ADAMTSL1: variants seen among roughly 807,000 people sequenced by gnomAD.
The protein encoded by ADAMTSL1 is ADAMTS like 1.
In ADAMTSL1, 126 loss-of-function variants were observed where a neutral mutation model predicts 201.8. The observed-to-expected ratio is 0.62, with a 90% CI of 0.54 to 0.72. ADAMTSL1 has a LOEUF of 0.72. Among genes scored for constraint, ADAMTSL1 ranks in the 30% least tolerant of loss-of-function variants. The pLI, the probability that ADAMTSL1 is intolerant of heterozygous loss-of-function variation, is 0.00. For missense variants in ADAMTSL1, 2,679 were observed against 2,277.8 expected (o/e 1.18, Z -3.59); for synonymous variants, 1,121 against 903.4 (o/e 1.24, Z -4.32).
At chr9:18,300,043 G>C (rs913935999) in intron 2 of ADAMTSL1, among the ~76,000 whole-genome samples, 4 of 152,178 alleles carry the variant, frequency 2.6e-5, no homozygotes, top group Non-Finnish European at 5.9e-5. Flanking sequence ...CATTGTGGAA[G>C]ACAGTGTGGC....
intron 1 of ADAMTSL1, among the ~76,000 whole-genome samples, chr9:18,098,019 G>A (rs1198644616): frequency 6.6e-6 from 1 of 151,770 alleles, no homozygotes; most frequent in Non-Finnish European, 1.5e-5. Flanking sequence ...ATGTAAATTG[G>A]AGATCAAGGC....
chr9:18,846,008 A>T (rs1489892599), intron 23 of ADAMTSL1, among the ~76,000 whole-genome samples: 2 of 152,360 alleles, frequency 1.3e-5, no homozygotes, highest in South Asian at 2.1e-4. Flanking sequence ...CCATTTACTT[A>T]TTCAAGAAGT....
chr9:18,898,081 C>T (rs900036725), intron 26 of ADAMTSL1, among the ~76,000 whole-genome samples: 4 of 151,628 alleles, frequency 2.6e-5, no homozygotes, highest in African/African-American at 4.8e-5. Flanking sequence ...CCCAACTACT[C>T]GGGAGGCTGA....
At chr9:18,008,708 G>T (rs574890217) in intron 1 of ADAMTSL1, among the ~76,000 whole-genome samples, 1 of 151,966 alleles carries the variant, frequency 6.6e-6, no homozygotes, top group East Asian at 2.0e-4. Context: ...GCAATTAGGT[G>T]CTCTGGCCTA....
chr9:17,988,138 G>A (rs1818999641), intron 1 of ADAMTSL1, among the ~76,000 whole-genome samples: 1 of 152,000 alleles, frequency 6.6e-6, no homozygotes, highest in South Asian at 2.1e-4. Context: ...GTTGTAACTG[G>A]GAGTTGGCAG....
At chr9:18,649,513 G>T (rs1206555488) in intron 7 of ADAMTSL1, among the ~76,000 whole-genome samples, 1 of 151,690 alleles carries the variant, frequency 6.6e-6, no homozygotes, top group Admixed American at 6.6e-5. Context: ...CCCCATCTTT[G>T]TGGTTTTATC....
rs185712052 is a variant in ADAMTSL1, at chr9:18,784,558, T to C, written c.3677+6652T>C. ...ACCAAACATTTCTGACTTGCCCATATGTTCTCCACTAAAGAAGTTTCAGGA... is the reference window on the plus strand; with the variant it reads ...ACCAAACATTTCTGACTTGCCCATACGTTCTCCACTAAAGAAGTTTCAGGA... On this transcript the variant is annotated intron_variant, in intron 19 of 28. Coordinates refer to ENST00000380548, the MANE Select transcript of ADAMTSL1 (RefSeq NM_001040272.6). Among the ~76,000 whole-genome samples the C allele has an allele frequency of 8.0e-4, 122 of 152,302 alleles. 1 individual carries two copies. Among genetic ancestry groups the C allele is most frequent in the African/African-American group, 2.8e-3 (116 of 41,560 alleles).
chr9:18,758,754 G>C (rs187505211), intron 16 of ADAMTSL1, among the ~76,000 whole-genome samples: 1 of 152,040 alleles, frequency 6.6e-6, no homozygotes, highest in Non-Finnish European at 1.5e-5. Flanking sequence ...TTATGCACAG[G>C]GTAATGTGTT....
chr9:18,117,551 T>G (rs529299980), intron 1 of ADAMTSL1, among the ~76,000 whole-genome samples: 1 of 152,246 alleles, frequency 6.6e-6, no homozygotes, highest in East Asian at 1.9e-4. Context: ...AGGCTGGCCC[T>G]CTCCATCTTA....
At chr9:18,733,484 T>TA (rs970515843) in intron 15 of ADAMTSL1, among the ~76,000 whole-genome samples, 8 of 152,090 alleles carry the variant, frequency 5.3e-5, no homozygotes, top group African/African-American at 1.9e-4. Flanking sequence ...CTCATTTCCT[T>TA]AAAAAAATAG....
At chr9:17,909,332 C>T (rs1393985785) in intron 1 of ADAMTSL1, among the ~76,000 whole-genome samples, 2 of 145,720 alleles carry the variant, frequency 1.4e-5, no homozygotes, top group African/African-American at 4.9e-5. Flanking sequence ...TTAATGAGAT[C>T]CCATTTGTCA....
intron 7 of ADAMTSL1, among the ~76,000 whole-genome samples, chr9:18,642,731 G>T (rs911704132): frequency 6.6e-6 from 1 of 151,822 alleles, no homozygotes; most frequent in Non-Finnish European, 1.5e-5. Flanking sequence ...ATGTTCTCCA[G>T]GTTCATCCAC....
In ADAMTSL1 at chr9:18,717,986, CATG is replaced by C. The variant is rs1833062310; in HGVS notation, c.1877-3545_1877-3543del. Reference sequence around the variant, plus strand: ...GCACTTAGTACATTAAAGCAGCTGACATGATGACTTTTTGCGAGCCTTCCCAGG... The same window carrying C: ...GCACTTAGTACATTAAAGCAGCTGACATGACTTTTTGCGAGCCTTCCCAGG... On this transcript the variant is annotated intron_variant, in intron 14 of 28. Transcript: ENST00000380548. 2.5e-6 allele frequency: 4 copies of C among 1,587,518 alleles called. No individual in the cohort carries two copies. In the Admixed American group the frequency reaches 6.7e-5, roughly 26 times the overall value.
intron 1 of ADAMTSL1, among the ~76,000 whole-genome samples, chr9:18,022,061 A>C (rs1373567575): frequency 6.6e-6 from 1 of 151,932 alleles, no homozygotes; most frequent in Admixed American, 6.6e-5. Context: ...CATTCACAGT[A>C]CTCATTTTTT....
At chr9:18,505,452 G>A (rs992515416) in intron 2 of ADAMTSL1, among the ~76,000 whole-genome samples, 2 of 152,144 alleles carry the variant, frequency 1.3e-5, no homozygotes, top group Non-Finnish European at 2.9e-5. Flanking sequence ...GATGAATTTC[G>A]AATATAAGGA....
At chr9:18,631,756 T>G (rs1748123243) in intron 5 of ADAMTSL1, among the ~76,000 whole-genome samples, 2 of 152,210 alleles carry the variant, frequency 1.3e-5, no homozygotes, top group African/African-American at 4.8e-5. Flanking sequence ...AGATATTTTT[T>G]AAAGAATACT....
chr9:18,728,612 C>G (rs1325741672), intron 15 of ADAMTSL1, among the ~76,000 whole-genome samples: 1 of 152,160 alleles, frequency 6.6e-6, no homozygotes, highest in Non-Finnish European at 1.5e-5. Context: ...ATGAATAGGG[C>G]AAGCATGGAG....
At chr9:18,058,598 A>T (rs910917762) in intron 1 of ADAMTSL1, among the ~76,000 whole-genome samples, 2 of 152,180 alleles carry the variant, frequency 1.3e-5, no homozygotes, top group African/African-American at 4.8e-5. Flanking sequence ...GATAAAATAC[A>T]GATACTGGCA....
In ADAMTSL1 at chr9:18,790,468, C is replaced by T. The variant is rs147201976; in HGVS notation, c.3678-4929C>T. Among the ~76,000 whole-genome samples the T allele has an allele frequency of 6.6e-5, 10 of 152,312 alleles. No homozygotes were observed. In the East Asian group the frequency reaches 1.9e-3, roughly 29 times the overall value. On this transcript the variant is annotated intron_variant, in intron 19 of 28. Coordinates refer to ENST00000380548, the MANE Select transcript of ADAMTSL1 (RefSeq NM_001040272.6). ...GATGCCAACCTACTCACAGAACTTC[C>T]AGAGACTTTCCTTTATACACCCGGA... is the stretch of plus-strand genomic sequence containing the variant.
Sources: gnomAD v4.1 joint callset for allele counts (sites outside exome capture counted in the v4.1 genomes callset) on GRCh38, gnomAD v4.1.1 for gene constraint, MANE v1.5 for transcripts, NCBI Gene and HGNC (gene_info 2026-07-23, HGNC 2026-07-21) for gene names.